The following SELENOK variants were observed in gnomAD, a reference collection of about 807,000 sequenced individuals.
SELENOK encodes the protein selenoprotein K.
Under a neutral mutation model 17.3 loss-of-function variants are expected in SELENOK, and 11 were observed. That is an observed-to-expected ratio of 0.63 (90% confidence interval 0.40 to 1.05). The LOEUF (loss-of-function observed/expected upper bound fraction) is 1.05. Among genes scored for constraint, SELENOK ranks in the 50% least tolerant of loss-of-function variants. The probability of loss-of-function intolerance (pLI) is 0.00; values close to 1 mark genes in which losing one functional copy is unlikely to be tolerated. For missense variants in SELENOK, 125 were observed against 113.9 expected (o/e 1.10, Z -0.44); for synonymous variants, 45 against 35.4 (o/e 1.27, Z -0.97).
chr3:53,888,374 A>G lies in SELENOK; in HGVS notation c.110+19T>C. ...GTCAACTTAAATATCAGGGCAATTA[A>G]GAGCTCTTCTATACTTACAACAAAA... On this transcript the variant is annotated intron_variant, in intron 2 of 4. Transcript: ENST00000495461. The G allele has an allele frequency of 6.6e-7, 1 of 1,511,508 alleles. No individual in the cohort carries two copies. Among genetic ancestry groups the G allele is most frequent in the African/African-American group, 1.4e-5 (1 of 72,964 alleles). The allele number at this position is 1,511,508 out of a possible 1,614,324, so 93.6% of individuals were successfully genotyped here.
At chr3:53,889,990 G>A (rs1016223195) in intron 1 of SELENOK, among the ~76,000 whole-genome samples, 14 of 152,040 alleles carry the variant, frequency 9.2e-5, no homozygotes, top group African/African-American at 2.4e-4. Flanking sequence ...GAATATTTTC[G>A]GGGAAGAGTA....
Position 53,884,587 on chromosome 3 carries a change from T to C in SELENOK, c.*971A>G, listed in dbSNP as rs1207803916. ...GTATTCAGATGGAGTTTAAAGCCAA[T>C]AGGCAGTATTTTGAGTGATGCTATA... On this transcript the variant is annotated 3_prime_UTR_variant, in exon 5 of 5. Transcript: ENST00000495461. The C allele has an allele frequency of 1.3e-5, 2 of 152,202 alleles. No homozygotes were observed. Among genetic ancestry groups the C allele is most frequent in the Admixed American group, 6.5e-5 (1 of 15,288 alleles). 9.4% of individuals were successfully genotyped at this position (152,202 alleles called of 1,614,324 possible).
At chr3:53,885,987 T>C in intron 3 of SELENOK, 75 bp from the exon 4 acceptor site, 1 of 969,630 alleles carries the variant, frequency 1.0e-6, no homozygotes, top group Non-Finnish European at 1.5e-6. Flanking sequence ...AGCACTCAAC[T>C]AGACCCTTTT....
intron 1 of SELENOK, 129 bp downstream of exon 1, chr3:53,891,641 C>T: frequency 7.8e-7 from 1 of 1,276,048 alleles, no homozygotes. Context: ...GGTCCAGCTC[C>T]GCCCGGCCGC....
rs11720079 is a variant in SELENOK, at chr3:53,884,743, C to G, written c.*815G>C. 6.6e-6 allele frequency: 1 copy of G among 152,204 alleles called. No homozygotes were observed. The highest frequency in any genetic ancestry group is 6.5e-5 in the Admixed American group (1 of 15,282). The allele number at this position is 152,204 out of a possible 1,614,324, so 9.4% of individuals were successfully genotyped here. On this transcript the variant is annotated 3_prime_UTR_variant, in exon 5 of 5. Transcript: ENST00000495461. ...GCAACCTCCGCCTCCCGGGTTGAAGCGATTCTCCTGCCTCCGCCTCCTGAG... is the reference window on the plus strand; with the variant it reads ...GCAACCTCCGCCTCCCGGGTTGAAGGGATTCTCCTGCCTCCGCCTCCTGAG...
At chr3:53,887,290 G>T (rs1700134572) in intron 2 of SELENOK, among the ~76,000 whole-genome samples, 1 of 152,262 alleles carries the variant, frequency 6.6e-6, no homozygotes, top group South Asian at 2.1e-4. Context: ...TCTTAGGGAA[G>T]GAGGGGCCAA....
At chr3:53,890,469 G>T (rs1284754502) in intron 1 of SELENOK, among the ~76,000 whole-genome samples, 2 of 152,200 alleles carry the variant, frequency 1.3e-5, no homozygotes, top group East Asian at 3.8e-4. Context: ...GAAGTAAGGT[G>T]TTTGAATGCA....
intron 1 of SELENOK, among the ~76,000 whole-genome samples, chr3:53,890,669 T>A (rs1294776574): frequency 6.6e-6 from 1 of 152,260 alleles, no homozygotes; most frequent in East Asian, 1.9e-4. Context: ...GACTAAAGTC[T>A]GAAAGCGCCC....
At chr3:53,889,991 G>A (rs1700155983) in intron 1 of SELENOK, among the ~76,000 whole-genome samples, 1 of 152,132 alleles carries the variant, frequency 6.6e-6, no homozygotes, top group African/African-American at 2.4e-5. Flanking sequence ...AATATTTTCG[G>A]GGAAGAGTAA....
chr3:53,891,674 C>T (rs560639023), intron 1 of SELENOK, 96 bp downstream of exon 1: 15 of 1,505,980 alleles, frequency 1.0e-5, no homozygotes, highest in Non-Finnish European at 1.4e-5. Flanking sequence ...CCGGGGAAGC[C>T]GCACCGGGCT....
Position 53,885,463 on chromosome 3 carries a change from C to A in SELENOK, c.*95G>T. ...CAGTCCTTGTTTAGACATACACATT[C>A]ATCTACTGCTCATCATGGTCAGCCT... On this transcript the variant is annotated 3_prime_UTR_variant, in exon 5 of 5. Transcript: ENST00000495461. 1 of 1,204,588 alleles carries A rather than the reference C, an allele frequency of 8.3e-7. No individual in the cohort carries two copies. Among genetic ancestry groups the A allele is most frequent in the South Asian group, 1.3e-5 (1 of 76,020 alleles). The allele number at this position is 1,204,588 out of a possible 1,614,324, so 74.6% of individuals were successfully genotyped here.
chr3:53,887,531 A>G (rs148390304), intron 2 of SELENOK, among the ~76,000 whole-genome samples: 37 of 152,288 alleles, frequency 2.4e-4, no homozygotes, highest in African/African-American at 8.9e-4. Context: ...TTTACATTCT[A>G]CACCATCTAG....
At position 53,889,262 on chromosome 3, in the gene SELENOK, T is replaced by C. The variant is rs80002559; in HGVS notation, c.20-779A>G. 7.1e-3 allele frequency among the ~76,000 whole-genome samples: 1,081 copies of C among 152,276 alleles called. 38 individuals carry two copies. In the East Asian group the frequency reaches 0.083, roughly 12 times the overall value. The stretch of plus-strand genomic sequence containing the variant: ...CTGAAACTCTATACCCATTAAACCC[T>C]GATTCCCATTACCTTCTCCGCCCAG... On this transcript the variant is annotated intron_variant, in intron 1 of 4. Transcript: ENST00000495461.
Position 53,888,445 on chromosome 3 carries a change from A to G in SELENOK, c.58T>C (p.Leu20=), listed in dbSNP as rs1252517860. The part of the protein sequence containing the change: ...LDSRSQSPWR[L]SLITDFFWGI... ...CAGAAGAAATCTGTTATCAAAGATA[A>G]TCTCCATGGAGACTGACTCCGGCTG... Residue 20 remains leucine (L), a synonymous_variant, in exon 2 of 5, where the codon TTA becomes CTA. Transcript: ENST00000495461. The G allele has an allele frequency of 6.2e-7, 1 of 1,612,438 alleles. No individual in the cohort carries two copies. Among genetic ancestry groups the G allele is most frequent in the Non-Finnish European group, 8.5e-7 (1 of 1,179,646 alleles).
intron 1 of SELENOK, 29 bp downstream of exon 1, chr3:53,891,741 G>A: frequency 6.2e-7 from 1 of 1,613,638 alleles, no homozygotes; most frequent in Non-Finnish European, 8.5e-7. Context: ...CAAGTCACCG[G>A]TCGAAGCCAC....
chr3:53,890,354 G>C (rs1037603569), intron 1 of SELENOK, among the ~76,000 whole-genome samples: 2 of 152,166 alleles, frequency 1.3e-5, no homozygotes, highest in African/African-American at 2.4e-5. Context: ...TCCTAAGAAG[G>C]TGGATCTAAT....
In SELENOK at chr3:53,884,710, T is replaced by C. The variant is rs1320367862; in HGVS notation, c.*848A>G. The stretch of plus-strand genomic sequence containing the variant: ...TTGCCTAGGCAGGAGTGCAGTGGCA[T>C]GCTCACAGCAACCTCCGCCTCCCGG... On this transcript the variant is annotated 3_prime_UTR_variant, in exon 5 of 5. Coordinates refer to ENST00000495461, the MANE Select transcript of SELENOK (RefSeq NM_021237.5). The C allele has an allele frequency of 6.6e-6, 1 of 152,304 alleles. No individual in the cohort carries two copies. Among genetic ancestry groups the C allele is most frequent in the East Asian group, 1.9e-4 (1 of 5,202 alleles). 9.4% of individuals were successfully genotyped at this position (152,304 alleles called of 1,614,324 possible).
rs13321898 is a variant in SELENOK at position 53,887,494 on chromosome 3, A to G, written c.111-560T>C. 2.6e-3 allele frequency among the ~76,000 whole-genome samples: 401 copies of G among 152,266 alleles called. 2 individuals are homozygous for G. Among genetic ancestry groups the G allele is most frequent in the African/African-American group, 9.0e-3 (373 of 41,540 alleles). ...TAGGGCCTCTCTTGTGCCCTGTTGTATTTTTCTATGAAACCATCTCTTCCA... is the reference window on the plus strand; with the variant it reads ...TAGGGCCTCTCTTGTGCCCTGTTGTGTTTTTCTATGAAACCATCTCTTCCA... On this transcript the variant is annotated intron_variant, in intron 2 of 4. Coordinates refer to ENST00000495461, the MANE Select transcript of SELENOK (RefSeq NM_021237.5).
intron 1 of SELENOK, among the ~76,000 whole-genome samples, 181 bp from the exon 2 acceptor site, chr3:53,888,664 C>T (rs953263155): frequency 6.6e-6 from 1 of 152,154 alleles, no homozygotes; most frequent in Non-Finnish European, 1.5e-5. Context: ...AGTAATGTTC[C>T]ATTATCTAGG....
Sources: allele counts gnomAD v4.1 joint callset (sites outside exome capture counted in the v4.1 genomes callset), GRCh38; gene constraint gnomAD v4.1.1; transcripts MANE v1.5; gene names NCBI Gene and HGNC (gene_info 2026-07-23, HGNC 2026-07-21).